Variants in NOC3L observed in about 807,000 individuals in gnomAD.
NOC3L encodes NOC3 like DNA replication regulator.
A neutral mutation model predicts 102.5 loss-of-function variants in NOC3L; 85 were observed. The observed-to-expected ratio is 0.83, with a 90% CI of 0.70 to 0.99. The LOEUF (loss-of-function observed/expected upper bound fraction) is 0.99, where lower values mean the gene tolerates loss of function less well. Among genes scored for constraint, NOC3L ranks in the 50% least tolerant of loss-of-function variants. The pLI is 0.00. For missense variants in NOC3L, 878 were observed against 914.9 expected (o/e 0.96, Z 0.52); for synonymous variants, 303 against 309.4 (o/e 0.98, Z 0.22).
At chr10:94,358,444 G>A (rs1369134526) in intron 2 of NOC3L, among the ~76,000 whole-genome samples, 2 of 152,160 alleles carry the variant, frequency 1.3e-5, no homozygotes, top group African/African-American at 2.4e-5. Context: ...ATTCTTTGTC[G>A]TACTGGGATG....
In NOC3L at chr10:94,344,845, C is replaced by T. The variant is rs753281641; in HGVS notation, c.1470+8G>A. The T allele has an allele frequency of 1.9e-6, 3 of 1,583,016 alleles. No homozygotes were observed. In the South Asian group the frequency reaches 3.5e-5, roughly 18 times the overall value. ...TTTAAAAGCATAACAGAATATGAAACTGCCTACCAGTTTAAGTTTTTTCTC... is the reference window on the plus strand; with the variant it reads ...TTTAAAAGCATAACAGAATATGAAATTGCCTACCAGTTTAAGTTTTTTCTC... On this transcript the variant is annotated splice_region_variant and intron_variant, in intron 12 of 20. Coordinates refer to ENST00000371361, the MANE Select transcript of NOC3L (RefSeq NM_022451.11).
chr10:94,360,033 C>T (rs547923673), intron 2 of NOC3L, among the ~76,000 whole-genome samples: 2 of 152,178 alleles, frequency 1.3e-5, no homozygotes, highest in African/African-American at 2.4e-5. Context: ...AAAGAAAATA[C>T]GGGGCCAGGC....
intron 4 of NOC3L, 60 bp downstream of exon 4, chr10:94,357,114 A>C (rs1474390644): frequency 5.5e-6 from 7 of 1,265,260 alleles, no homozygotes; most frequent in Non-Finnish European, 7.4e-6. Flanking sequence ...AGTGAAAAAA[A>C]AACATGATAT....
chr10:94,337,318 AT>A lies in NOC3L; in HGVS notation c.2189+458del, dbSNP rs965241110. Among the ~76,000 whole-genome samples the A allele has an allele frequency of 6.7e-4, 96 of 142,656 alleles. 1 individual carries two copies. Among genetic ancestry groups the A allele is most frequent in the Non-Finnish European group, 1.0e-3 (67 of 65,396 alleles). 93.6% of individuals were successfully genotyped at this position (142,656 alleles called of 152,430 possible). A position where few individuals can be genotyped will look rare whatever the true frequency, so the allele number is the denominator to read the frequency against. ...AGCACCTCTTTTCTTCCCTCTCCTC[AT>A]TTTTTTTTTCTCCTCATCCTGCCCT... On this transcript the variant is annotated intron_variant, in intron 19 of 20. Transcript: ENST00000371361.
At chr10:94,316,901 T>C in the NOC3L span, 4 of 709,350 alleles carry the variant, frequency 5.6e-6, no homozygotes, top group Non-Finnish European at 1.0e-5. Flanking sequence ...TGAACAGTTT[T>C]ATTCTTCTGC....
At chr10:94,334,359 C>A in intron 20 of NOC3L, 54 bp from the exon 21 acceptor site, 1 of 1,187,128 alleles carries the variant, frequency 8.4e-7, no homozygotes, top group Non-Finnish European at 1.2e-6. Flanking sequence ...TAAGCTAAAG[C>A]CAACCTGTGA....
At chr10:94,343,222 T>A in intron 13 of NOC3L, among the ~76,000 whole-genome samples, 1 of 152,168 alleles carries the variant, frequency 6.6e-6, no homozygotes, top group Admixed American at 6.5e-5. Flanking sequence ...TTTTTAAACT[T>A]TTTTAAATAA....
intron 10 of NOC3L, among the ~76,000 whole-genome samples, chr10:94,347,405 G>T (rs77083890): frequency 2.7e-3 from 414 of 152,192 alleles, no homozygotes; most frequent in African/African-American, 9.0e-3. Context: ...ACCTACCAAC[G>T]AAAAATAACT....
At chr10:94,349,468 C>T in intron 9 of NOC3L, 90 bp from the exon 10 acceptor site, 6 of 1,212,882 alleles carry the variant, frequency 4.9e-6, no homozygotes. Context: ...TGTAGGGGGA[C>T]TGTCCTAGGA....
chr10:94,316,590 A>T, the NOC3L span: 2 of 1,609,644 alleles, frequency 1.2e-6, no homozygotes, highest in Non-Finnish European at 1.7e-6. Flanking sequence ...ACCACAGACT[A>T]TTTTTTGATG....
At chr10:94,356,908 G>A (rs1589577412) in intron 4 of NOC3L, among the ~76,000 whole-genome samples, 2 of 152,132 alleles carry the variant, frequency 1.3e-5, no homozygotes, top group African/African-American at 2.4e-5. Flanking sequence ...ATCAAGAACA[G>A]TTAATATGCT....
At position 94,333,873 on chromosome 10, in the gene NOC3L, A is replaced by G. The variant is rs2054187047; in HGVS notation, c.*304T>C. On this transcript the variant is annotated 3_prime_UTR_variant, in exon 21 of 21. Transcript: ENST00000371361. The stretch of plus-strand genomic sequence containing the variant: ...AATATAGCAACTGCACTTCAGTAAG[A>G]TCCAGTCCAAAGATTTTTTTAAAAA... 1 of 183,666 alleles carries G rather than the reference A, an allele frequency of 5.4e-6. No individual in the cohort carries two copies. Among genetic ancestry groups the G allele is most frequent in the Non-Finnish European group, 1.1e-5 (1 of 89,702 alleles). The allele number at this position is 183,666 out of a possible 1,614,324, so 11.4% of individuals were successfully genotyped here. A position where few individuals can be genotyped will look rare whatever the true frequency, so the allele number is the denominator to read the frequency against.
Position 94,334,703 on chromosome 10 carries a change from A to G in NOC3L, c.2205T>C (p.Leu735=). The G allele has an allele frequency of 6.2e-7, 1 of 1,612,502 alleles. No individual in the cohort carries two copies. Among genetic ancestry groups the G allele is most frequent in the Non-Finnish European group, 8.5e-7 (1 of 1,179,238 alleles). ...PELSRRSATE[L]FEAYSMAEMT... The stretch of plus-strand genomic sequence containing the variant: ...TTTCTGCCATGCTATATGCCTCAAA[A>G]AGTTCAGTAGCAGATCTAAATCACA... The change falls in exon 20 of 21, where the codon CTT becomes CTC. Residue 735 remains leucine, a synonymous_variant. Transcript: ENST00000371361.
At chr10:94,349,730 C>A (rs1330090081) in intron 9 of NOC3L, among the ~76,000 whole-genome samples, 1 of 149,018 alleles carries the variant, frequency 6.7e-6, no homozygotes, top group Non-Finnish European at 1.5e-5. Context: ...GGAAAAAAAT[C>A]ACATGGTGTA....
chr10:94,356,763 G>GA (rs1564917869), intron 4 of NOC3L, among the ~76,000 whole-genome samples, 172 bp from the exon 5 acceptor site: 1 of 151,942 alleles, frequency 6.6e-6, no homozygotes, highest in African/African-American at 2.4e-5. Flanking sequence ...GCTAGCAGTA[G>GA]TTTTTTTTCC....
the NOC3L span, among the ~76,000 whole-genome samples, chr10:94,317,359 T>G: frequency 6.6e-6 from 1 of 152,238 alleles, no homozygotes; most frequent in East Asian, 1.9e-4. Flanking sequence ...AGATTCCTTA[T>G]GCATGTCATC....
At position 94,349,231 on chromosome 10, in the gene NOC3L, TAAA is replaced by T; in HGVS notation, c.1257+16_1257+18del. On this transcript the variant is annotated intron_variant, in intron 10 of 20. Transcript: ENST00000371361. Reference sequence around the variant, plus strand: ...TGTAATTTAAAAACAAAATGCAAAGTAAAAAAAAAAAGGCTCACCTCTGGCCTA... The same window carrying T: ...TGTAATTTAAAAACAAAATGCAAAGTAAAAAAAAGGCTCACCTCTGGCCTA... The T allele has an allele frequency of 1.6e-6, 2 of 1,220,756 alleles. No homozygotes were observed. The highest frequency in any genetic ancestry group is 2.7e-5 in the Admixed American group (1 of 36,750). The allele number at this position is 1,220,756 out of a possible 1,614,324, so 75.6% of individuals were successfully genotyped here.
intron 10 of NOC3L, 66 bp from the exon 11 acceptor site, chr10:94,346,622 A>T: frequency 1.0e-6 from 1 of 960,570 alleles, no homozygotes; most frequent in Non-Finnish European, 1.4e-6. Flanking sequence ...AACTTTACAT[A>T]GAAAAGCATT....
chr10:94,323,819 C>T, the NOC3L span, among the ~76,000 whole-genome samples: 2 of 152,178 alleles, frequency 1.3e-5, no homozygotes, highest in East Asian at 3.8e-4. Flanking sequence ...TTGGCCCTCA[C>T]TAAACATTTA....
Sources: gnomAD v4.1 joint callset for allele counts (sites outside exome capture counted in the v4.1 genomes callset) on GRCh38, gnomAD v4.1.1 for gene constraint, MANE v1.5 for transcripts, NCBI Gene and HGNC (gene_info 2026-07-23, HGNC 2026-07-21) for gene names.